The following ST6GALNAC6 variants were observed in gnomAD, a reference collection of about 807,000 sequenced individuals.
ST6GALNAC6 encodes the protein ST6 N-acetylgalactosaminide alpha-2,6-sialyltransferase 6, also known as alpha-N-acetylgalactosaminide alpha-2,6-sialyltransferase 6.
Under a neutral mutation model 34.3 loss-of-function variants are expected in ST6GALNAC6, and 19 were observed. That is an observed-to-expected ratio of 0.55 (90% CI 0.39 to 0.81). ST6GALNAC6 has a LOEUF of 0.81. Ranked by LOEUF, ST6GALNAC6 falls within the 40% of genes least tolerant of loss-of-function variation. ST6GALNAC6 has a pLI of 0.00. For synonymous variants in ST6GALNAC6, 185 were observed against 182.1 expected (o/e 1.02, Z -0.13); for missense variants, 377 against 467.7 (o/e 0.81, Z 1.79).
Position 127,890,254 on chromosome 9 carries a change from C to A in ST6GALNAC6, c.704+383G>T, listed in dbSNP as rs182183129. ...TCGCTGGAGCAGAGCATGCCAGGAG[C>A]AACTGTGTGCTTAAGGCAAGACATG... On this transcript the variant is annotated intron_variant, in intron 5 of 6. Transcript: ENST00000373146. This position sits in a 1 kb window ranked among gnomAD's most constrained non-coding sequence, Gnocchi z 4.3. Among the ~76,000 whole-genome samples, 2 of 152,196 alleles carry A rather than the reference C, an allele frequency of 1.3e-5. No individual in the cohort carries two copies. Among genetic ancestry groups the A allele is most frequent in the East Asian group, 3.9e-4 (2 of 5,176 alleles).
rs919524033 is a variant in ST6GALNAC6 at position 127,896,278 on chromosome 9, G to A, written c.81C>T (p.Pro27=). Residue 27 remains proline, a synonymous_variant, in exon 3 of 7, where the codon CCC becomes CCT. Transcript: ENST00000373146. ...PGPPAGRRHL[P]LSRRRREMSS... ...TCATTTCTCTCCGGCGTCTGCTGAG[G>A]GGTAGGTGTCGGCGTCCTGCAGGTG... The A allele has an allele frequency of 1.2e-6, 2 of 1,614,054 alleles. No homozygotes were observed. The highest frequency in any genetic ancestry group is 1.7e-6 in the Non-Finnish European group (2 of 1,180,028).
At chr9:127,893,382 G>C (rs1272482394) in intron 4 of ST6GALNAC6, among the ~76,000 whole-genome samples, 1 of 152,190 alleles carries the variant, frequency 6.6e-6, no homozygotes, top group Non-Finnish European at 1.5e-5. Context: ...TATTAAGGAA[G>C]GTGTGAAAGC....
Position 127,899,437 on chromosome 9 carries a change from C to T in ST6GALNAC6, c.-30+66G>A, listed in dbSNP as rs1246494665. ...CGATTAGCAATCTCCTCTCCCGGCG[C>T]CCTCCGCCCCAGCCCCCGCCTCCGC... On this transcript the variant is annotated intron_variant, in intron 1 of 6. Transcript: ENST00000373146. The T allele has an allele frequency of 1.0e-5, 8 of 762,056 alleles. No homozygotes were observed. The East Asian group carries it at 9.0e-4, about 86-fold the overall frequency. The allele number at this position is 762,056 out of a possible 1,614,324, so 47.2% of individuals were successfully genotyped here.
chr9:127,889,760 T>G (rs1830025617), intron 5 of ST6GALNAC6, among the ~76,000 whole-genome samples: 1 of 152,220 alleles, frequency 6.6e-6, no homozygotes, highest in South Asian at 2.1e-4. Context: ...TCAATTTCTA[T>G]ATGCCATTTC....
At chr9:127,900,560 CAAAA>C (rs71380101), upstream of ST6GALNAC6, among the ~76,000 whole-genome samples, 1 of 44,170 alleles carries the variant, frequency 2.3e-5, no homozygotes, top group African/African-American at 1.2e-4. Flanking sequence ...AACTCCGTCT[CAAAA>C]AAAAAAAAAA....
At chr9:127,903,587 G>A (rs557499647), upstream of ST6GALNAC6, 1 of 152,238 alleles carries the variant, frequency 6.6e-6, no homozygotes, top group Admixed American at 6.5e-5. Flanking sequence ...AGGCAGGGAG[G>A]GGGTGGCCCG....
At position 127,888,633 on chromosome 9, in the gene ST6GALNAC6, C is replaced by A. The variant is rs111516702; in HGVS notation, c.705-1042G>T. ...ACCAGCCTGGCCAACATGGTGAAAC[C>A]CCCTCTCTACTAAAAATACAAAAAT... On this transcript the variant is annotated intron_variant, in intron 5 of 6. Transcript: ENST00000373146. 6.2e-3 allele frequency among the ~76,000 whole-genome samples: 942 copies of A among 151,920 alleles called. 7 individuals carry two copies. The highest frequency in any genetic ancestry group is 0.017 in the Middle Eastern group (5 of 294).
chr9:127,899,441 C>T lies in ST6GALNAC6; in HGVS notation c.-30+62G>A, dbSNP rs1458772157. ...TAGCAATCTCCTCTCCCGGCGCCCT[C>T]CGCCCCAGCCCCCGCCTCCGCCCCC... On this transcript the variant is annotated intron_variant, in intron 1 of 6. Transcript: ENST00000373146. 33 of 710,592 alleles carry T rather than the reference C, an allele frequency of 4.6e-5. 1 individual carries two copies. In the East Asian group the frequency reaches 3.2e-3, roughly 68 times the overall value. The allele number at this position is 710,592 out of a possible 1,614,324, so 44.0% of individuals were successfully genotyped here.
At chr9:127,887,084 C>T (rs1170020617) in intron 6 of ST6GALNAC6, among the ~76,000 whole-genome samples, 1 of 135,444 alleles carries the variant, frequency 7.4e-6, no homozygotes, top group African/African-American at 2.5e-5. Flanking sequence ...TTTGGAGGAC[C>T]TTTGGCTACT....
At chr9:127,897,471 G>GCCCCGCCCCCTCTCCAA (rs1051097948) in intron 2 of ST6GALNAC6, 1 of 982,036 alleles carries the variant, frequency 1.0e-6, no homozygotes, top group Non-Finnish European at 1.2e-6. Context: ...TTAGATCATG[G>GCCCCGCCCCCTCTCCAA]CCCCGCCCCC....
chr9:127,890,679 C>A lies in ST6GALNAC6; in HGVS notation c.662G>T (p.Arg221Leu). ...ACCCCGGAAGAGGTCGTCAAATTGCCGCATGCGGCCGGGAGAGACGGCATA... is the reference window on the plus strand; with the variant it reads ...ACCCCGGAAGAGGTCGTCAAATTGCAGCATGCGGCCGGGAGAGACGGCATA... ...EAYAVSPGRM[R>L]QFDDLFRGET... is the part of the protein sequence containing the mutation. The change falls in exon 5 of 7, where the codon CGG becomes CTG. Residue 221 changes from arginine (R) to leucine (L), a missense_variant. Transcript: ENST00000373146. This position sits in a 1 kb window ranked among gnomAD's most constrained non-coding sequence, Gnocchi z 4.3. The A allele has an allele frequency of 6.2e-7, 1 of 1,613,374 alleles. No individual in the cohort carries two copies. Among genetic ancestry groups the A allele is most frequent in the South Asian group, 1.1e-5 (1 of 91,088 alleles).
At chr9:127,888,634 C>T (rs1829940653) in intron 5 of ST6GALNAC6, among the ~76,000 whole-genome samples, 1 of 151,720 alleles carries the variant, frequency 6.6e-6, no homozygotes. Flanking sequence ...TGGTGAAACC[C>T]CCTCTCTACT....
Position 127,886,555 on chromosome 9 carries a change from C to T in ST6GALNAC6, c.*44G>A, listed in dbSNP as rs1275507996. 1 of 1,607,176 alleles carries T rather than the reference C, an allele frequency of 6.2e-7. No homozygotes were observed. Among genetic ancestry groups the T allele is most frequent in the Non-Finnish European group, 8.5e-7 (1 of 1,176,422 alleles). ...CCCTGGCCTAGCGGCTGGGCGGAGG[C>T]TGCTTCTCCTCTGACCCTCCTGAGG... On this transcript the variant is annotated 3_prime_UTR_variant, in exon 7 of 7. Coordinates refer to ENST00000373146, the MANE Select transcript of ST6GALNAC6 (RefSeq NM_013443.5).
Position 127,885,750 on chromosome 9 carries a change from T to C in ST6GALNAC6, c.*849A>G, listed in dbSNP as rs1437734225. ...AAGAGCCAAGCTAATGGCAGCTGGC[T>C]GAGGGGCTAAGAAAACAGCTTAAGG... On this transcript the variant is annotated 3_prime_UTR_variant, in exon 7 of 7. Coordinates refer to ENST00000373146, the MANE Select transcript of ST6GALNAC6 (RefSeq NM_013443.5). The C allele has an allele frequency of 2.6e-5, 4 of 152,244 alleles. No individual in the cohort carries two copies. The highest frequency in any genetic ancestry group is 9.6e-5 in the African/African-American group (4 of 41,460). 9.4% of individuals were successfully genotyped at this position (152,244 alleles called of 1,614,324 possible). A position where few individuals can be genotyped will look rare whatever the true frequency, so the allele number is the denominator to read the frequency against.
upstream of ST6GALNAC6, chr9:127,906,028 C>G (rs184921960): frequency 6.3e-5 from 62 of 985,594 alleles, no homozygotes; most frequent in Admixed American, 6.8e-4. Context: ...TCTCCTCCCC[C>G]CTCCCATTCC....
Position 127,886,399 on chromosome 9 carries a change from C to G in ST6GALNAC6, c.*200G>C. 7.0e-7 allele frequency: 1 copy of G among 1,428,336 alleles called. No homozygotes were observed. Among genetic ancestry groups the G allele is most frequent in the African/African-American group, 1.4e-5 (1 of 69,590 alleles). 88.5% of individuals were successfully genotyped at this position (1,428,336 alleles called of 1,614,324 possible). A position where few individuals can be genotyped will look rare whatever the true frequency, so the allele number is the denominator to read the frequency against. On this transcript the variant is annotated 3_prime_UTR_variant, in exon 7 of 7. Transcript: ENST00000373146. ...GCACAAGAAAGACACCCCTGATTAACCGCATAGACTCCCAAATCCCTGATT... is the reference window on the plus strand; with the variant it reads ...GCACAAGAAAGACACCCCTGATTAAGCGCATAGACTCCCAAATCCCTGATT...
In ST6GALNAC6 at chr9:127,886,624, G is replaced by A. The variant is rs780950434; in HGVS notation, c.977C>T (p.Thr326Ile). Residue 326 changes from threonine (T) to isoleucine (I), a missense_variant, in exon 7 of 7, where the codon ACC becomes ATC. Thr to Ile is a moderately conservative substitution (Grantham distance 89). Transcript: ENST00000373146. ...CTAGGTCCAGGAGGGGTGGGAGAAG[G>A]TGATGCCATACAGCTGGGCCCACGA... is the stretch of plus-strand genomic sequence containing the variant. The part of the protein sequence containing the change: ...FSSWAQLYGI[T>I]FSHPSWT 6.2e-7 allele frequency: 1 copy of A among 1,613,858 alleles called. No individual in the cohort carries two copies. Among genetic ancestry groups the A allele is most frequent in the African/African-American group, 1.3e-5 (1 of 74,886 alleles).
Position 127,886,495 on chromosome 9 carries a change from A to T in ST6GALNAC6, c.*104T>A. On this transcript the variant is annotated 3_prime_UTR_variant, in exon 7 of 7. Coordinates refer to ENST00000373146, the MANE Select transcript of ST6GALNAC6 (RefSeq NM_013443.5). ...CCTCAAGGCCCTGATTGGCTGGGAG[A>T]CACTCCAGCAAGCCTTGATTGGCCA... The T allele has an allele frequency of 6.6e-7, 1 of 1,512,302 alleles. No individual in the cohort carries two copies. Among genetic ancestry groups the T allele is most frequent in the Non-Finnish European group, 8.8e-7 (1 of 1,130,040 alleles). The allele number at this position is 1,512,302 out of a possible 1,614,324, so 93.7% of individuals were successfully genotyped here.
chr9:127,886,850 T>G (rs1829793207), intron 6 of ST6GALNAC6, 62 bp from the exon 7 acceptor site: 2 of 1,492,990 alleles, frequency 1.3e-6, no homozygotes, highest in Admixed American at 4.5e-5. Flanking sequence ...CCTTGCCCTT[T>G]CAGCCCCTCG....
Sources: allele counts gnomAD v4.1 joint callset (sites outside exome capture counted in the v4.1 genomes callset), GRCh38; gene constraint gnomAD v4.1.1; non-coding constraint Gnocchi (gnomAD v3.1); transcripts MANE v1.5; gene names NCBI Gene and HGNC (gene_info 2026-07-23, HGNC 2026-07-21).